The following BBS2 variants were observed in gnomAD, a reference collection of about 807,000 sequenced individuals.
The protein encoded by BBS2 is Bardet-Biedl syndrome 2.
Under a neutral mutation model 83.0 loss-of-function variants are expected in BBS2, and 62 were observed. That is an observed-to-expected ratio of 0.75 (90% CI 0.61 to 0.92). The LOEUF (loss-of-function observed/expected upper bound fraction) is 0.92. Ranked by LOEUF, BBS2 falls within the 40% of genes least tolerant of loss-of-function variation. The pLI, the probability that BBS2 is intolerant of heterozygous loss-of-function variation, is 0.00. For missense variants in BBS2, 784 were observed against 901.0 expected, an observed-to-expected ratio of 0.87 and a Z score of 1.66; for synonymous variants, 303 against 326.1, an observed-to-expected ratio of 0.93 and a Z score of 0.76.
chr16:56,495,755 CGT>C (rs1294644696), intron 15 of BBS2, among the ~76,000 whole-genome samples: 1 of 138,424 alleles, frequency 7.2e-6, no homozygotes, highest in Non-Finnish European at 1.5e-5. Flanking sequence ...TTTATACAGA[CGT>C]GTGTATATAT....
chr16:56,509,863 T>C (rs1017969000), intron 5 of BBS2, 94 bp downstream of exon 5: 8 of 1,332,824 alleles, frequency 6.0e-6, no homozygotes, highest in South Asian at 3.5e-5. Flanking sequence ...CCACCTGGGT[T>C]TGGAGATGCC....
chr16:56,510,943 A>G (rs1180941285), intron 3 of BBS2, 22 bp from the exon 4 acceptor site: 10 of 1,613,254 alleles, frequency 6.2e-6, no homozygotes, highest in Non-Finnish European at 8.5e-6. Flanking sequence ...ACCCCAAACC[A>G]TTAGCATGCC....
intron 17 of BBS2, chr16:56,476,404 T>TAA (rs59188420): frequency 0.029 from 9,128 of 311,976 alleles, 101 homozygotes; most frequent in South Asian, 0.045. Flanking sequence ...ATCTCTTGAT[T>TAA]AAAAAAAAAA....
At chr16:56,508,712 C>CAT (rs1367154507) in intron 5 of BBS2, among the ~76,000 whole-genome samples, 23 of 151,120 alleles carry the variant, frequency 1.5e-4, no homozygotes, top group Admixed American at 2.6e-4. Flanking sequence ...GTGGCGTGAT[C>CAT]ATAGCTCACT....
chr16:56,501,716 T>TGG (rs1253193697), intron 9 of BBS2: 32 of 598,660 alleles, frequency 5.3e-5, no homozygotes, highest in Non-Finnish European at 9.0e-5. Context: ...TCTATGGGTA[T>TGG]GGTCCACTGT....
At chr16:56,518,659 G>A (rs749833839) in intron 1 of BBS2, among the ~76,000 whole-genome samples, 24 of 102,498 alleles carry the variant, frequency 2.3e-4, no homozygotes, top group Non-Finnish European at 5.4e-4. Flanking sequence ...ATGTAATAAA[G>A]TTTTGTGCCT....
At chr16:56,509,805 A>G (rs1597023369) in intron 5 of BBS2, 152 bp downstream of exon 5, 2 of 692,698 alleles carry the variant, frequency 2.9e-6, no homozygotes, top group South Asian at 1.6e-5. Context: ...TTTTCTTACC[A>G]TAACATACAG....
chr16:56,485,747 A>AT lies in BBS2; in HGVS notation c.1911-10dup. The AT allele has an allele frequency of 6.2e-7, 1 of 1,613,634 alleles. No individual in the cohort carries two copies. ...GACTCTTCATTGTTTTCCTGTGCAAATCAGTAGAAATTTGACATCATTTCA... is the reference window on the plus strand; with the variant it reads ...GACTCTTCATTGTTTTCCTGTGCAAATTCAGTAGAAATTTGACATCATTTCA... On this transcript the variant is annotated splice_polypyrimidine_tract_variant and intron_variant, in intron 15 of 16. Coordinates refer to ENST00000245157, the MANE Select transcript of BBS2 (RefSeq NM_031885.5).
intron 5 of BBS2, among the ~76,000 whole-genome samples, chr16:56,506,939 T>C (rs926603716): frequency 1.8e-4 from 27 of 152,378 alleles, no homozygotes; most frequent in African/African-American, 5.5e-4. Context: ...CCTGCAGATC[T>C]ACTTTCTAAT....
At position 56,501,385 on chromosome 16, in the gene BBS2, G is replaced by A; in HGVS notation, c.1193C>T (p.Ala398Val). ...SVSLGNETQT[A>V]HTELRISTSN... is the part of the protein sequence containing the mutation. ...AGTGGAAATGCGTAATTCTGTATGA[G>A]CAGTTTGGGTCTCATTCCCCAGGCT... The change falls in exon 10 of 17, where the codon GCT becomes GTT. Residue 398 changes from alanine to valine, a missense_variant. Ala to Val is a moderately conservative substitution (Grantham distance 64, BLOSUM62 0). Coordinates refer to ENST00000245157, the MANE Select transcript of BBS2 (RefSeq NM_031885.5). 2 of 1,614,094 alleles carry A rather than the reference G, an allele frequency of 1.2e-6. No homozygotes were observed. The highest frequency in any genetic ancestry group is 2.2e-5 in the South Asian group (2 of 91,076).
intron 7 of BBS2, among the ~76,000 whole-genome samples, 196 bp downstream of exon 7, chr16:56,505,754 T>G (rs1246775984): frequency 6.6e-6 from 1 of 152,166 alleles, no homozygotes; most frequent in Non-Finnish European, 1.5e-5. Flanking sequence ...CTTATAAGAC[T>G]TACACTCTCT....
rs1424567831 is a variant in BBS2 at position 56,484,504 on chromosome 16, G to C, written c.*257C>G. ...CCATAAATAAGCAAAATTGGACTCT[G>C]AAGCCCTAATACTTCAAAAGCATTC... On this transcript the variant is annotated 3_prime_UTR_variant, in exon 17 of 17. Coordinates refer to ENST00000245157, the MANE Select transcript of BBS2 (RefSeq NM_031885.5). 1 of 360,020 alleles carries C rather than the reference G, an allele frequency of 2.8e-6. No homozygotes were observed. Among genetic ancestry groups the C allele is most frequent in the East Asian group, 5.1e-5 (1 of 19,420 alleles). 22.3% of individuals were successfully genotyped at this position (360,020 alleles called of 1,614,324 possible).
chr16:56,492,145 C>A (rs1286027662), intron 15 of BBS2, among the ~76,000 whole-genome samples: 2 of 151,944 alleles, frequency 1.3e-5, no homozygotes, highest in African/African-American at 4.8e-5. Context: ...TATGATCTAG[C>A]AATCTCACTT....
chr16:56,501,785 T>A, intron 9 of BBS2: 1 of 448,964 alleles, frequency 2.2e-6, no homozygotes, highest in South Asian at 2.4e-5. Flanking sequence ...GCAAACAAAT[T>A]CCCTTGTTAC....
Position 56,484,639 on chromosome 16 carries a change from C to T in BBS2, c.*122G>A. ...AGTTCTTTGTCTTTAATTTGTACAA[C>T]TCACCAAGGTTATTTTCATTCTTAG... On this transcript the variant is annotated 3_prime_UTR_variant, in exon 17 of 17. Transcript: ENST00000245157. 4 of 779,984 alleles carry T rather than the reference C, an allele frequency of 5.1e-6. No individual in the cohort carries two copies. Among genetic ancestry groups the T allele is most frequent in the South Asian group, 2.9e-5 (2 of 67,962 alleles). 48.3% of individuals were successfully genotyped at this position (779,984 alleles called of 1,614,324 possible). A position where few individuals can be genotyped will look rare whatever the true frequency, so the allele number is the denominator to read the frequency against.
intron 17 of BBS2, chr16:56,474,834 G>A: frequency 6.3e-7 from 1 of 1,598,032 alleles, no homozygotes; most frequent in African/African-American, 1.4e-5. Context: ...TTAGAATCAA[G>A]TGTTCCCATG....
At position 56,497,738 on chromosome 16, in the gene BBS2, C is replaced by T; in HGVS notation, c.1797+5G>A. On this transcript the variant is annotated splice_donor_5th_base_variant and intron_variant, in intron 14 of 16. Transcript: ENST00000245157. ...CTCACAAATGCATCTACCGCATTCC[C>T]TCACCTTAACTAGCACCTTTCGTAA... 1 of 1,613,348 alleles carries T rather than the reference C, an allele frequency of 6.2e-7. No homozygotes were observed. The highest frequency in any genetic ancestry group is 8.5e-7 in the Non-Finnish European group (1 of 1,179,826).
At chr16:56,476,142 A>G (rs766045620) in intron 17 of BBS2, 8 of 1,613,708 alleles carry the variant, frequency 5.0e-6, no homozygotes, top group Non-Finnish European at 6.8e-6. Context: ...GAAGCCTGGA[A>G]CAAAAGAAAA....
chr16:56,480,352 C>CCAAAA (rs1555519770), downstream of BBS2, among the ~76,000 whole-genome samples: 6 of 76,536 alleles, frequency 7.8e-5, no homozygotes, highest in East Asian at 6.5e-4. Context: ...CACACACACA[C>CCAAAA]AAAAAAAAAA....
Sources: allele counts gnomAD v4.1 joint callset (sites outside exome capture counted in the v4.1 genomes callset), GRCh38; gene constraint gnomAD v4.1.1; transcripts MANE v1.5; gene names NCBI Gene and HGNC (gene_info 2026-07-23, HGNC 2026-07-21).